Variants in SORCS2 observed in about 807,000 individuals in gnomAD.
SORCS2 encodes sortilin related VPS10 domain containing receptor 2, also known as VPS10 domain-containing receptor SorCS2.
A neutral mutation model predicts 141.6 loss-of-function variants in SORCS2; 100 were observed. The ratio of observed to expected loss-of-function variants is 0.71; its 90% CI spans 0.60 to 0.83. The LOEUF (loss-of-function observed/expected upper bound fraction) is 0.83. Ranked by LOEUF, SORCS2 falls within the 40% of genes least tolerant of loss-of-function variation. The probability of loss-of-function intolerance (pLI) is 0.00; values close to 1 mark genes in which losing one functional copy is unlikely to be tolerated. For synonymous variants in SORCS2, 789 were observed against 676.9 expected (o/e 1.17, Z -2.57); for missense variants, 1,646 against 1,560.2 (o/e 1.05, Z -0.93).
intron 5 of SORCS2, among the ~76,000 whole-genome samples, chr4:7,655,495 G>A (rs894572792): frequency 2.6e-5 from 4 of 152,246 alleles, no homozygotes; most frequent in Admixed American, 6.5e-5. Context: ...AGGGCCCTTC[G>A]TAATGTCACG....
chr4:7,734,493 G>A (rs1247698910), intron 25 of SORCS2, 119 bp downstream of exon 25: 2 of 685,400 alleles, frequency 2.9e-6, no homozygotes, highest in Non-Finnish European at 4.7e-6. Context: ...AGGGAGTGGT[G>A]AGAGTTTGTG....
chr4:7,535,215 T>C (rs1335150409), intron 3 of SORCS2, among the ~76,000 whole-genome samples: 4 of 152,110 alleles, frequency 2.6e-5, no homozygotes, highest in Non-Finnish European at 5.9e-5. Flanking sequence ...ATCCCCTAGG[T>C]TGGAGGCACC....
intron 17 of SORCS2, among the ~76,000 whole-genome samples, chr4:7,716,685 G>GTCCA (rs34499695): frequency 0.46 from 70,025 of 151,080 alleles, 17,842 homozygotes; most frequent in Non-Finnish European, 0.59. Context: ...TTCATTCACC[G>GTCCA]TCCATCCATC....
intron 1 of SORCS2, among the ~76,000 whole-genome samples, chr4:7,306,601 G>A (rs999881066): frequency 1.3e-5 from 2 of 152,202 alleles, no homozygotes; most frequent in African/African-American, 4.8e-5. Flanking sequence ...ACTGAAGGGC[G>A]GTTCCCGTGG....
intron 2 of SORCS2, among the ~76,000 whole-genome samples, chr4:7,456,690 CAG>C (rs1262036210): frequency 2.0e-5 from 3 of 152,150 alleles, no homozygotes; most frequent in Admixed American, 2.0e-4. Flanking sequence ...GCTCTGGGCA[CAG>C]AGGAGATCTG....
intron 1 of SORCS2, among the ~76,000 whole-genome samples, chr4:7,392,837 G>T (rs112531809): frequency 1.3e-5 from 2 of 152,002 alleles, no homozygotes; most frequent in African/African-American, 4.8e-5. Context: ...GTCACTGGGC[G>T]GTTCTGTGCC....
rs1394794014 is a variant in SORCS2 at position 7,192,806 on chromosome 4, G to A, written c.160G>A (p.Glu54Lys). ...CTGCGGGGCGGCGGGGCGCTCCCCT[G>A]AGCCCGGGCGCCTGGGTCCTCACGC... ...GACGAAGRSP[E>K]PGRLGPHAQL... is the part of the protein sequence containing the mutation. The change falls in exon 1 of 27, where the codon GAG (glutamate) becomes AAG (lysine). Residue 54 changes from glutamate to lysine, a missense_variant. Glu to Lys is a moderately conservative substitution (Grantham distance 56, BLOSUM62 1). Transcript: ENST00000507866. The surrounding 1 kb of genome is among the most constrained non-coding windows in gnomAD (Gnocchi z 4.0). 14 of 1,023,178 alleles carry A rather than the reference G, an allele frequency of 1.4e-5. No individual in the cohort carries two copies. Among genetic ancestry groups the A allele is most frequent in the Non-Finnish European group, 1.5e-5 (13 of 856,688 alleles). The allele number at this position is 1,023,178 out of a possible 1,614,324, so 63.4% of individuals were successfully genotyped here.
At chr4:7,585,211 C>T (rs943664482) in intron 3 of SORCS2, among the ~76,000 whole-genome samples, 2 of 152,186 alleles carry the variant, frequency 1.3e-5, no homozygotes, top group African/African-American at 2.4e-5. Flanking sequence ...AAGCCTCTTG[C>T]ATCTCCCTGA....
chr4:7,575,989 T>C (rs1277699651), intron 3 of SORCS2, among the ~76,000 whole-genome samples: 1 of 152,228 alleles, frequency 6.6e-6, no homozygotes, highest in African/African-American at 2.4e-5. Flanking sequence ...GATTCTTGAA[T>C]TGATGAAGTT....
intron 2 of SORCS2, among the ~76,000 whole-genome samples, chr4:7,418,752 C>A (rs1725861426): frequency 7.0e-6 from 1 of 143,402 alleles, no homozygotes; most frequent in African/African-American, 2.5e-5. Context: ...ATTCATTGAG[C>A]TTACGATTCT....
intron 4 of SORCS2, among the ~76,000 whole-genome samples, chr4:7,642,883 C>G (rs572160027): frequency 3.3e-5 from 5 of 152,186 alleles, no homozygotes; most frequent in Non-Finnish European, 7.3e-5. Flanking sequence ...ACCACACAAG[C>G]AGCTTTAGCA....
At chr4:7,417,297 A>G (rs1725763505) in intron 2 of SORCS2, among the ~76,000 whole-genome samples, 1 of 152,182 alleles carries the variant, frequency 6.6e-6, no homozygotes, top group South Asian at 2.1e-4. Flanking sequence ...TGGCAGCGCC[A>G]GGAAGCCCAA....
At chr4:7,529,661 G>C (rs963139042) in intron 2 of SORCS2, among the ~76,000 whole-genome samples, 1 of 152,124 alleles carries the variant, frequency 6.6e-6, no homozygotes, top group Non-Finnish European at 1.5e-5. Flanking sequence ...GGAAGGGGAG[G>C]CTTCCCCTGT....
At chr4:7,418,241 T>G (rs960932190) in intron 2 of SORCS2, among the ~76,000 whole-genome samples, 2 of 152,204 alleles carry the variant, frequency 1.3e-5, no homozygotes, top group African/African-American at 4.8e-5. Flanking sequence ...GGGCTCGCGT[T>G]CTAGCAGGGA....
At chr4:7,446,893 T>C (rs1356737887) in intron 2 of SORCS2, among the ~76,000 whole-genome samples, 1 of 152,182 alleles carries the variant, frequency 6.6e-6, no homozygotes, top group Non-Finnish European at 1.5e-5. Flanking sequence ...CCATTTCCCA[T>C]TGCAGAAACT....
chr4:7,721,629 T>C (rs1213400084), intron 18 of SORCS2, among the ~76,000 whole-genome samples: 1 of 152,184 alleles, frequency 6.6e-6, no homozygotes, highest in Non-Finnish European at 1.5e-5. Context: ...ATCAAAGTTA[T>C]AGAAATGGAG....
At position 7,593,100 on chromosome 4, in the gene SORCS2, G is replaced by T. The variant is rs537335288; in HGVS notation, c.649-45228G>T. Among the ~76,000 whole-genome samples the T allele has an allele frequency of 3.3e-5, 5 of 152,288 alleles. No homozygotes were observed. In the South Asian group the frequency reaches 8.3e-4, roughly 25 times the overall value. ...CACATATGGTGGCAGTCAGGAGGTT[G>T]AGGTTGCAGTGAGCCATGATCGCAC... On this transcript the variant is annotated intron_variant, in intron 3 of 26. Transcript: ENST00000507866.
At chr4:7,521,684 C>A (rs537097682) in intron 2 of SORCS2, among the ~76,000 whole-genome samples, 3 of 152,232 alleles carry the variant, frequency 2.0e-5, no homozygotes, top group African/African-American at 4.8e-5. Context: ...ATCTGCAGCA[C>A]CTGTCACCTC....
intron 2 of SORCS2, among the ~76,000 whole-genome samples, chr4:7,396,795 GTAAA>G (rs1184500730): frequency 1.3e-5 from 2 of 152,154 alleles, no homozygotes; most frequent in Non-Finnish European, 2.9e-5. Context: ...AAAGAGCTTG[GTAAA>G]TAAATAAGCC....
Sources: gnomAD v4.1 joint callset for allele counts (sites outside exome capture counted in the v4.1 genomes callset) on GRCh38, gnomAD v4.1.1 for gene constraint, Gnocchi (gnomAD v3.1) non-coding constraint, MANE v1.5 for transcripts, NCBI Gene and HGNC (gene_info 2026-07-23, HGNC 2026-07-21) for gene names.